SNTG1: variants seen among roughly 807,000 people sequenced by gnomAD.
SNTG1 encodes syntrophin gamma 1, also known as gamma-1-syntrophin.
Under a neutral mutation model 74.7 loss-of-function variants are expected in SNTG1, and 39 were observed. That is an observed-to-expected ratio of 0.52 (90% CI 0.40 to 0.68). SNTG1 has a LOEUF of 0.68. Ranked by LOEUF, SNTG1 falls within the 30% of genes least tolerant of loss-of-function variation. The pLI is 0.00. For missense variants in SNTG1, 685 were observed against 609.5 expected, an observed-to-expected ratio of 1.12 and a Z score of -1.30; for synonymous variants, 254 against 217.1, an observed-to-expected ratio of 1.17 and a Z score of -1.49.
intron 2 of SNTG1, among the ~76,000 whole-genome samples, chr8:50,302,605 A>G (rs2089700428): frequency 6.6e-6 from 1 of 152,174 alleles, no homozygotes; most frequent in Non-Finnish European, 1.5e-5. Context: ...TTAATTTAAA[A>G]AGGAATGAAT....
intron 1 of SNTG1, among the ~76,000 whole-genome samples, chr8:49,921,222 G>GAA (rs1418251122): frequency 6.6e-6 from 1 of 151,920 alleles, no homozygotes; most frequent in Non-Finnish European, 1.5e-5. Flanking sequence ...AAAAATAAGA[G>GAA]AAAAGAAGGT....
chr8:50,619,324 C>A (rs1215506075), intron 13 of SNTG1, among the ~76,000 whole-genome samples: 1 of 152,044 alleles, frequency 6.6e-6, no homozygotes, highest in Non-Finnish European at 1.5e-5. Flanking sequence ...TCTGGAGTAC[C>A]TATATATGCT....
chr8:50,378,313 A>G (rs1376028802), intron 2 of SNTG1, among the ~76,000 whole-genome samples: 1 of 152,200 alleles, frequency 6.6e-6, no homozygotes, highest in Non-Finnish European at 1.5e-5. Flanking sequence ...AGATGCCAGG[A>G]ACCACAGGGC....
At chr8:50,437,238 CTAAG>C (rs2093313846) in intron 4 of SNTG1, among the ~76,000 whole-genome samples, 1 of 152,004 alleles carries the variant, frequency 6.6e-6, no homozygotes, top group South Asian at 2.1e-4. Context: ...ATAATAATTT[CTAAG>C]TAAATATGCA....
At chr8:50,036,379 A>G (rs1348616837) in intron 1 of SNTG1, among the ~76,000 whole-genome samples, 1 of 152,176 alleles carries the variant, frequency 6.6e-6, no homozygotes, top group African/African-American at 2.4e-5. Context: ...TGCTTAAAAC[A>G]TATTATCTTT....
chr8:50,753,230 C>T (rs2095572056), intron 18 of SNTG1, among the ~76,000 whole-genome samples: 1 of 151,974 alleles, frequency 6.6e-6, no homozygotes, highest in Non-Finnish European at 1.5e-5. Flanking sequence ...CGCTACTGCT[C>T]CTCTTCTCCC....
chr8:49,910,190 G>A (rs544853686), upstream of SNTG1, among the ~76,000 whole-genome samples: 2 of 152,186 alleles, frequency 1.3e-5, no homozygotes, highest in African/African-American at 4.8e-5. Flanking sequence ...TGTCAGAACA[G>A]GAAGAAGAAC....
chr8:50,015,232 G>A (rs1312227972), intron 1 of SNTG1, among the ~76,000 whole-genome samples: 2 of 152,022 alleles, frequency 1.3e-5, no homozygotes, highest in African/African-American at 4.8e-5. Flanking sequence ...TTTTGGTGAT[G>A]TAAAGCAAAA....
chr8:50,701,368 C>T (rs571129212), intron 15 of SNTG1, among the ~76,000 whole-genome samples: 7 of 152,308 alleles, frequency 4.6e-5, no homozygotes, highest in Non-Finnish European at 8.8e-5. Context: ...CCATGTCCTT[C>T]CCTAGCTTCA....
chr8:50,471,536 A>T (rs969258996), intron 8 of SNTG1, among the ~76,000 whole-genome samples: 2 of 152,214 alleles, frequency 1.3e-5, no homozygotes, highest in African/African-American at 4.8e-5. Flanking sequence ...TGGCACAGCC[A>T]CTGTGGAAGG....
At chr8:50,129,276 T>C (rs1295164149) in intron 1 of SNTG1, among the ~76,000 whole-genome samples, 1 of 152,110 alleles carries the variant, frequency 6.6e-6, no homozygotes, top group African/African-American at 2.4e-5. Flanking sequence ...GCATCGCATA[T>C]GGCATAGAAG....
intron 1 of SNTG1, among the ~76,000 whole-genome samples, chr8:49,964,557 T>C (rs549159862): frequency 4.6e-5 from 7 of 152,334 alleles, no homozygotes; most frequent in Admixed American, 4.6e-4. Context: ...ATATACTCTA[T>C]CTGTTCTGTT....
chr8:50,134,630 T>C (rs1426201644), intron 1 of SNTG1, among the ~76,000 whole-genome samples: 1 of 152,102 alleles, frequency 6.6e-6, no homozygotes, highest in African/African-American at 2.4e-5. Flanking sequence ...TTAGAGGGAA[T>C]GTATGGTTAG....
chr8:50,375,196 T>G (rs973230045), intron 2 of SNTG1, among the ~76,000 whole-genome samples: 5 of 152,084 alleles, frequency 3.3e-5, no homozygotes, highest in African/African-American at 1.2e-4. Context: ...TAAAATGAGA[T>G]GTTTGCATTA....
At chr8:50,462,000 G>A (rs371399126) in intron 8 of SNTG1, among the ~76,000 whole-genome samples, 232 of 152,204 alleles carry the variant, frequency 1.5e-3, no homozygotes, top group South Asian at 2.5e-3. Flanking sequence ...ATACTGTGGG[G>A]TTGGTTCTAG....
intron 15 of SNTG1, among the ~76,000 whole-genome samples, chr8:50,677,888 T>C (rs1194492821): frequency 6.6e-6 from 1 of 151,942 alleles, no homozygotes; most frequent in Non-Finnish European, 1.5e-5. Flanking sequence ...ATTTTAACTG[T>C]CATGCATTAT....
At position 50,742,316 on chromosome 8, in the gene SNTG1, C is replaced by T. The variant is rs993222850; in HGVS notation, c.1285-9685C>T. Among the ~76,000 whole-genome samples the T allele has an allele frequency of 2.0e-5, 3 of 151,894 alleles. No individual in the cohort carries two copies. In the South Asian group the frequency reaches 6.2e-4, roughly 32 times the overall value. ...TAGATTTTAAATGATTGAAATTATA[C>T]AAAATATCTTTTCTGCTCACAATGG... On this transcript the variant is annotated intron_variant, in intron 17 of 18. Transcript: ENST00000642720.
intron 2 of SNTG1, among the ~76,000 whole-genome samples, chr8:50,274,650 ATC>A (rs1458010526): frequency 6.6e-6 from 1 of 152,162 alleles, no homozygotes; most frequent in South Asian, 2.1e-4. Context: ...AAGACACCTC[ATC>A]TCTCTGACTC....
intron 2 of SNTG1, among the ~76,000 whole-genome samples, chr8:50,364,012 T>C (rs2092037720): frequency 1.3e-5 from 2 of 152,140 alleles, no homozygotes; most frequent in Admixed American, 6.6e-5. Flanking sequence ...TATGCACCAA[T>C]CCCTGAGGCC....
Sources: allele counts gnomAD v4.1 joint callset (sites outside exome capture counted in the v4.1 genomes callset), GRCh38; gene constraint gnomAD v4.1.1; transcripts MANE v1.5; gene names NCBI Gene and HGNC (gene_info 2026-07-23, HGNC 2026-07-21).